Variants in PDE1C observed in about 807,000 individuals in gnomAD.
The protein encoded by PDE1C is dual specificity calcium/calmodulin-dependent 3',5'-cyclic nucleotide phosphodiesterase 1C.
PDE1C carries 62 observed loss-of-function variants against 93.1 expected under a neutral mutation model. That is an observed-to-expected ratio of 0.67 (90% CI 0.54 to 0.82). PDE1C has a LOEUF of 0.82. Ranked by LOEUF, PDE1C falls within the 40% of genes least tolerant of loss-of-function variation. PDE1C has a pLI of 0.00. For missense variants in PDE1C, 742 were observed against 884.6 expected (o/e 0.84, Z 2.04); for synonymous variants, 325 against 310.1 (o/e 1.05, Z -0.50).
In PDE1C at chr7:32,056,247, G is replaced by A. The variant is rs546107207; in HGVS notation, c.102-4667C>T. On this transcript the variant is annotated intron_variant, in intron 1 of 17. Coordinates refer to ENST00000396191, the MANE Select transcript of PDE1C (RefSeq NM_001191057.4). ...AGGCAAGGGCATCTTCACAAGGCCA[G>A]GCTGAGGACACCACTTCAAAGAAGG... 3.3e-5 allele frequency among the ~76,000 whole-genome samples: 5 copies of A among 151,812 alleles called. No individual in the cohort carries two copies. In the East Asian group the frequency reaches 9.7e-4, roughly 30 times the overall value.
intron 2 of PDE1C, among the ~76,000 whole-genome samples, chr7:31,974,891 G>A (rs144119694): frequency 1.1e-4 from 17 of 152,262 alleles, no homozygotes; most frequent in African/African-American, 4.1e-4. Flanking sequence ...TTTATAATGT[G>A]TACAGTACAG....
At chr7:32,318,687 G>A (rs1190098940) in intron 1 of PDE1C, among the ~76,000 whole-genome samples, 1 of 152,232 alleles carries the variant, frequency 6.6e-6, no homozygotes, top group African/African-American at 2.4e-5. Flanking sequence ...GTGAAGGGCT[G>A]CGCGCGTGAG....
At chr7:31,651,941 A>AG in the PDE1C span, 2 of 1,589,142 alleles carry the variant, frequency 1.3e-6, no homozygotes, top group Non-Finnish European at 1.7e-6. Context: ...ACTTGCAGGG[A>AG]GGAGGCCGAG....
At chr7:32,137,828 T>A (rs1212958686) in intron 3 of PDE1C, among the ~76,000 whole-genome samples, 3 of 152,160 alleles carry the variant, frequency 2.0e-5, no homozygotes, top group African/African-American at 7.2e-5. Context: ...CTCTTTGACA[T>A]CATCCCAGTG....
chr7:32,191,159 A>C (rs1048694858), intron 2 of PDE1C, among the ~76,000 whole-genome samples: 2 of 152,194 alleles, frequency 1.3e-5, no homozygotes, highest in Admixed American at 6.5e-5. Flanking sequence ...AAATTCTTTT[A>C]ATCACTCCTT....
chr7:31,858,745 A>G lies in PDE1C; in HGVS notation c.750+6197T>C, dbSNP rs940168702. Among the ~76,000 whole-genome samples, 11 of 152,120 alleles carry G rather than the reference A, an allele frequency of 7.2e-5. No homozygotes were observed. In the East Asian group the frequency reaches 2.1e-3, roughly 29 times the overall value. On this transcript the variant is annotated intron_variant, in intron 7 of 17. Coordinates refer to ENST00000396191, the MANE Select transcript of PDE1C (RefSeq NM_001191057.4). ...TTAGTAATAATAATAACTATCATTT[A>G]CTAATATTCTACTGTATGCTAGGCA...
the PDE1C span, among the ~76,000 whole-genome samples, chr7:31,740,383 T>G: frequency 3.9e-5 from 6 of 152,228 alleles, no homozygotes; most frequent in African/African-American, 1.4e-4. Context: ...CATATAGATA[T>G]CTAATTTATA....
intron 1 of PDE1C, among the ~76,000 whole-genome samples, chr7:32,406,956 C>T (rs1464181917): frequency 1.3e-5 from 2 of 152,084 alleles, no homozygotes; most frequent in African/African-American, 2.4e-5. Context: ...CCACTCAGCC[C>T]CATCGCACAA....
chr7:32,372,992 A>G (rs906168763), intron 1 of PDE1C, among the ~76,000 whole-genome samples: 2 of 152,144 alleles, frequency 1.3e-5, no homozygotes, highest in African/African-American at 4.8e-5. Context: ...AAAAATTAAA[A>G]CCCTAACATA....
chr7:31,621,626 C>A, the PDE1C span, among the ~76,000 whole-genome samples: 4 of 148,592 alleles, frequency 2.7e-5, no homozygotes, highest in Non-Finnish European at 3.0e-5. Context: ...TGGAAAGGAA[C>A]AACTGGTACC....
chr7:32,196,110 G>A (rs533189242), intron 2 of PDE1C, among the ~76,000 whole-genome samples: 7 of 152,160 alleles, frequency 4.6e-5, no homozygotes, highest in Non-Finnish European at 1.0e-4. Flanking sequence ...ACATCATGAT[G>A]GGAGGAAGGC....
chr7:32,178,606 T>C (rs1309311361), intron 2 of PDE1C, among the ~76,000 whole-genome samples: 1 of 152,124 alleles, frequency 6.6e-6, no homozygotes, highest in African/African-American at 2.4e-5. Context: ...GCAGCTCAGG[T>C]GCAGGAGGTG....
the PDE1C span, among the ~76,000 whole-genome samples, chr7:31,725,327 A>G: frequency 2.6e-5 from 4 of 152,222 alleles, no homozygotes; most frequent in African/African-American, 9.6e-5. Context: ...CCTTGGCCCT[A>G]AAAATGAGTC....
intron 2 of PDE1C, among the ~76,000 whole-genome samples, chr7:31,985,620 GT>G (rs1783284973): frequency 6.6e-6 from 1 of 151,772 alleles, no homozygotes; most frequent in African/African-American, 2.4e-5. Flanking sequence ...CCCGCCCTGT[GT>G]CTAAGTGTTC....
At chr7:32,408,536 C>T (rs1354886381) in intron 1 of PDE1C, among the ~76,000 whole-genome samples, 4 of 152,162 alleles carry the variant, frequency 2.6e-5, no homozygotes, top group Non-Finnish European at 5.9e-5. Context: ...TGCCTGTAAT[C>T]CTAGCACTTT....
At chr7:31,909,160 C>T (rs1030420158) in intron 2 of PDE1C, among the ~76,000 whole-genome samples, 3 of 152,098 alleles carry the variant, frequency 2.0e-5, no homozygotes, top group Non-Finnish European at 4.4e-5. Context: ...CTCCTGTCCT[C>T]TTACGTGGTA....
intron 2 of PDE1C, among the ~76,000 whole-genome samples, chr7:31,960,169 C>A (rs1235404856): frequency 6.6e-6 from 1 of 152,100 alleles, no homozygotes; most frequent in Non-Finnish European, 1.5e-5. Flanking sequence ...GCCACCGCGC[C>A]CGGCCTCAAC....
At chr7:31,818,269 C>T (rs1442460504) in intron 14 of PDE1C, among the ~76,000 whole-genome samples, 1 of 152,148 alleles carries the variant, frequency 6.6e-6, no homozygotes, top group Non-Finnish European at 1.5e-5. Flanking sequence ...GGTACAACTA[C>T]AGAGTGAAAG....
chr7:32,021,557 C>T (rs548809174), intron 2 of PDE1C, among the ~76,000 whole-genome samples: 29 of 152,164 alleles, frequency 1.9e-4, no homozygotes, highest in South Asian at 4.2e-4. Flanking sequence ...TAAAAACAAA[C>T]GAAATACTTA....
Sources: gnomAD v4.1 joint callset for allele counts (sites outside exome capture counted in the v4.1 genomes callset) on GRCh38, gnomAD v4.1.1 for gene constraint, MANE v1.5 for transcripts, NCBI Gene and HGNC (gene_info 2026-07-23, HGNC 2026-07-21) for gene names.